Variants in MAP3K15 observed in about 807,000 individuals in gnomAD.
MAP3K15 encodes MAPK/ERK kinase kinase 15.
In MAP3K15, 124 loss-of-function variants were observed where a neutral mutation model predicts 99.5. The ratio of observed to expected loss-of-function variants is 1.25; its 90% CI spans 1.08 to 1.45. The LOEUF (loss-of-function observed/expected upper bound fraction) is 1.45, where lower values mean the gene tolerates loss of function less well. Ranked by LOEUF, MAP3K15 falls within the 40% of genes most tolerant of loss-of-function variation. The pLI is 0.00. For synonymous variants in MAP3K15, 494 were observed against 439.6 expected (o/e 1.12, Z -1.55); for missense variants, 1,242 against 1,079.7 (o/e 1.15, Z -2.11).
At chrX:19,449,025 T>C (rs890405802) in intron 6 of MAP3K15, among the ~76,000 whole-genome samples, 23 of 109,602 alleles carry the variant, frequency 2.1e-4, no homozygotes, top group African/African-American at 7.5e-4. Flanking sequence ...AGTTGAATGC[T>C]CTCTGGGTGA....
intron 6 of MAP3K15, among the ~76,000 whole-genome samples, chrX:19,434,647 G>T (rs1215276650): frequency 9.0e-6 from 1 of 111,565 alleles, no homozygotes; most frequent in African/African-American, 3.3e-5. Flanking sequence ...CTCAACCGGG[G>T]TTCCATGACA....
At chrX:19,513,276 G>C (rs1458001010) in intron 1 of MAP3K15, among the ~76,000 whole-genome samples, 1 of 111,697 alleles carries the variant, frequency 9.0e-6, no homozygotes, top group Non-Finnish European at 1.9e-5. Flanking sequence ...GAAAGCAAAA[G>C]CCACCGCACA....
At chrX:19,393,529 G>T (rs1362884148) in intron 16 of MAP3K15, among the ~76,000 whole-genome samples, 1 of 110,181 alleles carries the variant, frequency 9.1e-6, no homozygotes, top group Non-Finnish European at 1.9e-5. Flanking sequence ...TACTTGAGAG[G>T]CTGAGGCAGA....
At chrX:19,381,887 T>C (rs995479500) in intron 18 of MAP3K15, among the ~76,000 whole-genome samples, 7 of 111,629 alleles carry the variant, frequency 6.3e-5, no homozygotes, top group African/African-American at 6.5e-5. Flanking sequence ...CACGCATGAA[T>C]AGAACACTGA....
intron 18 of MAP3K15, among the ~76,000 whole-genome samples, chrX:19,384,728 G>A (rs750184747): frequency 1.1e-5 from 1 of 88,117 alleles, no homozygotes; most frequent in Non-Finnish European, 2.2e-5. Flanking sequence ...GGGCAGATGG[G>A]AGTGAGACCT....
intron 3 of MAP3K15, chrX:19,466,773 T>C (rs954263448): frequency 5.4e-5 from 6 of 111,233 alleles, no homozygotes; most frequent in African/African-American, 9.8e-5. Context: ...TGAAGAAACA[T>C]CATTTGTTAT....
chrX:19,380,097 C>T (rs373264327), intron 19 of MAP3K15, 23 bp downstream of exon 19: 47 of 1,160,400 alleles, frequency 4.1e-5, no homozygotes, highest in Non-Finnish European at 5.0e-5. Context: ...CACGCCCAAC[C>T]TCAATCACGA....
At chrX:19,512,519 G>C (rs2064526573) in intron 1 of MAP3K15, among the ~76,000 whole-genome samples, 1 of 111,262 alleles carries the variant, frequency 9.0e-6, no homozygotes, top group African/African-American at 3.3e-5. Context: ...CTGTCACCCA[G>C]GCTGGAGTGC....
chrX:19,393,402 G>A (rs1278935346), intron 16 of MAP3K15, among the ~76,000 whole-genome samples: 4 of 111,993 alleles, frequency 3.6e-5, no homozygotes, highest in African/African-American at 9.7e-5. Context: ...AGGCCGAGGC[G>A]GGCAGATCAC....
intron 4 of MAP3K15, among the ~76,000 whole-genome samples, chrX:19,462,116 AAT>A (rs769422441): frequency 9.0e-6 from 1 of 111,282 alleles, no homozygotes; most frequent in African/African-American, 3.3e-5. Context: ...TAAATTTAAT[AAT>A]AGTCTTCAAA....
chrX:19,366,309 G>C (rs756505273), intron 25 of MAP3K15, among the ~76,000 whole-genome samples: 2 of 111,478 alleles, frequency 1.8e-5, no homozygotes, highest in African/African-American at 6.5e-5. Flanking sequence ...CAGTGGGAAG[G>C]ACTCTCAGGA....
intron 3 of MAP3K15, among the ~76,000 whole-genome samples, chrX:19,486,173 G>C (rs773309821): frequency 9.9e-5 from 11 of 111,515 alleles, no homozygotes; most frequent in Non-Finnish European, 1.7e-4. Context: ...GGTGGTCCAT[G>C]GAACATCGAC....
At position 19,418,506 on chromosome X, in the gene MAP3K15, C is replaced by T. The variant is rs1349981711; in HGVS notation, c.1440-3249G>A. ...TAGAGAAAAAAAGAATAAAAATAAA[C>T]GAACAAAGCCACCAAGAAATATGGG... On this transcript the variant is annotated intron_variant, in intron 9 of 28. Coordinates refer to ENST00000338883, the MANE Select transcript of MAP3K15 (RefSeq NM_001001671.4). Among the ~76,000 whole-genome samples, 5 of 111,024 alleles carry T rather than the reference C, an allele frequency of 4.5e-5. No individual in the cohort carries two copies. The East Asian group carries it at 8.5e-4, about 19-fold the overall frequency.
At position 19,515,124 on chromosome X, in the gene MAP3K15, G is replaced by A; in HGVS notation, c.138C>T (p.Gly46=). The part of the protein sequence containing the change: ...EPDGAAEGAA[G]GSGEGESGGG... ...CCCCACTCTCGCCCTCGCCGCTGCC[G>A]CCTGCCGCGCCCTCCGCCGCCCCGT... The change falls in exon 1 of 29, where the codon GGC becomes GGT. Residue 46 remains glycine, a synonymous_variant. Transcript: ENST00000338883. 2.5e-6 allele frequency: 2 copies of A among 801,357 alleles called. No homozygotes were observed. Among genetic ancestry groups the A allele is most frequent in the Admixed American group, 6.1e-5 (1 of 16,293 alleles). 66.0% of individuals were successfully genotyped at this position (801,357 alleles called of 1,213,427 possible). A position where few individuals can be genotyped will look rare whatever the true frequency, so the allele number is the denominator to read the frequency against.
In MAP3K15 at chrX:19,461,815, AC is replaced by A. The variant is rs753255169; in HGVS notation, c.720-1663del. ...AGACCAGCCTGGCCAACGTGGTGAAACCCCGTCTCTACTAAAAATACAAAAA... is the reference window on the plus strand; with the variant it reads ...AGACCAGCCTGGCCAACGTGGTGAAACCCGTCTCTACTAAAAATACAAAAA... On this transcript the variant is annotated intron_variant, in intron 4 of 28. Coordinates refer to ENST00000338883, the MANE Select transcript of MAP3K15 (RefSeq NM_001001671.4). Among the ~76,000 whole-genome samples, 653 of 110,427 alleles carry A rather than the reference AC, an allele frequency of 5.9e-3. 3 individuals carry two copies. Among genetic ancestry groups the A allele is most frequent in the Non-Finnish European group, 9.2e-3 (486 of 52,855 alleles).
chrX:19,426,818 C>CAAAAAAAAAAAAAAAAAAAA (rs746106862), intron 7 of MAP3K15, among the ~76,000 whole-genome samples: 2 of 21,149 alleles, frequency 9.5e-5, no homozygotes, highest in African/African-American at 2.1e-4. Context: ...AATCTGTCTC[C>CAAAAAAAAAAAAAAAAAAAA]AAAAAAAAAA....
Position 19,464,407 on chromosome X carries a change from C to G in MAP3K15, c.526-1G>C, listed in dbSNP as rs747679258. 6.8e-6 allele frequency: 8 copies of G among 1,171,362 alleles called. No homozygotes were observed. The highest frequency in any genetic ancestry group is 9.1e-6 in the Non-Finnish European group (8 of 876,526). ...TGAAATAATAATTTCCACTGGATGC[C>G]TGGAAAAAAGAAACAAAGATGTTCC... On this transcript the variant is annotated splice_acceptor_variant, in intron 3 of 28. Transcript: ENST00000338883. LOFTEE classifies it high-confidence loss of function.
chrX:19,463,247 G>A (rs1266207341), intron 4 of MAP3K15, among the ~76,000 whole-genome samples: 2 of 112,031 alleles, frequency 1.8e-5, no homozygotes, highest in Non-Finnish European at 3.8e-5. Context: ...GTCTGTAGAA[G>A]AAGGTCTGTA....
intron 3 of MAP3K15, among the ~76,000 whole-genome samples, chrX:19,468,464 T>C (rs1480794711): frequency 5.4e-5 from 6 of 111,802 alleles, no homozygotes; most frequent in Middle Eastern, 4.6e-3. Flanking sequence ...GTAAGACCAA[T>C]ACAGAAGATT....
Sources: gnomAD v4.1 joint callset for allele counts (sites outside exome capture counted in the v4.1 genomes callset) on GRCh38, gnomAD v4.1.1 for gene constraint, MANE v1.5 for transcripts, NCBI Gene and HGNC (gene_info 2026-07-23, HGNC 2026-07-21) for gene names.